Variants in DYNC2H1 observed in about 807,000 individuals in gnomAD.
DYNC2H1 encodes the protein dynein cytoplasmic 2 heavy chain 1.
DYNC2H1 carries 410 observed loss-of-function variants against 570.0 expected under a neutral mutation model. That is an observed-to-expected ratio of 0.72 (90% CI 0.66 to 0.78). The LOEUF is 0.78. Among genes scored for constraint, DYNC2H1 ranks in the 30% least tolerant of loss-of-function variants. DYNC2H1 has a pLI of 0.00. For synonymous variants in DYNC2H1, 1,688 were observed against 1,677.6 expected, an observed-to-expected ratio of 1.01 and a Z score of -0.15; for missense variants, 4,865 against 5,046.4, an observed-to-expected ratio of 0.96 and a Z score of 1.09.
intron 82 of DYNC2H1, among the ~76,000 whole-genome samples, chr11:103,327,983 A>G (rs1477785463): frequency 6.6e-6 from 1 of 152,210 alleles, no homozygotes; most frequent in Non-Finnish European, 1.5e-5. Context: ...CTAAGGAAAT[A>G]GTACTATGAG....
chr11:103,246,001 T>C (rs1191802886), intron 65 of DYNC2H1, among the ~76,000 whole-genome samples: 1 of 152,140 alleles, frequency 6.6e-6, no homozygotes, highest in Non-Finnish European at 1.5e-5. Flanking sequence ...ATTGATGTTA[T>C]TGGGGCAACG....
chr11:103,270,207 AAAT>A (rs1565448930), intron 70 of DYNC2H1, among the ~76,000 whole-genome samples: 4 of 141,546 alleles, frequency 2.8e-5, no homozygotes, highest in Non-Finnish European at 3.0e-5. Context: ...AAAAAAAAAA[AAAT>A]AATAATAATA....
At chr11:103,213,135 A>G (rs761686675) in intron 54 of DYNC2H1, among the ~76,000 whole-genome samples, 1 of 152,164 alleles carries the variant, frequency 6.6e-6, no homozygotes, top group African/African-American at 2.4e-5. Flanking sequence ...GGGTACCATA[A>G]TGGCCAGGCC....
chr11:103,120,743 C>T lies in DYNC2H1; in HGVS notation c.1189C>T (p.Gln397Ter). Residue 397 changes from glutamine (Q) to a stop codon, truncating the protein, a stop_gained, in exon 8 of 89, where the codon CAA becomes TAA. Coordinates refer to ENST00000375735, the MANE Select transcript of DYNC2H1 (RefSeq NM_001377.3). LOFTEE classifies it high-confidence loss of function. Reference sequence around the variant, plus strand: ...TGAAAAGATTATTGCACCTGCGGAACAAAAAATAGCAGGAAAATTGAAAAA... The same window carrying T: ...TGAAAAGATTATTGCACCTGCGGAATAAAAAATAGCAGGAAAATTGAAAAA... ...QYEKIIAPAEQKIAGKLKNYI... is the reference protein window; with the variant it reads ...QYEKIIAPAE The T allele has an allele frequency of 3.7e-6, 6 of 1,601,828 alleles. No individual in the cohort carries two copies. The highest frequency in any genetic ancestry group is 5.1e-6 in the Non-Finnish European group (6 of 1,173,506).
chr11:103,257,345 T>G lies in DYNC2H1; in HGVS notation c.10462-263T>G, dbSNP rs1377321873. On this transcript the variant is annotated intron_variant, in intron 68 of 88. Coordinates refer to ENST00000375735, the MANE Select transcript of DYNC2H1 (RefSeq NM_001377.3). ...CTGCTATATAAAAGCAGAACGAGTTTAGTGTATTTTGTTATAGGTAGCCTT... is the reference window on the plus strand; with the variant it reads ...CTGCTATATAAAAGCAGAACGAGTTGAGTGTATTTTGTTATAGGTAGCCTT... Among the ~76,000 whole-genome samples, 3 of 152,186 alleles carry G rather than the reference T, an allele frequency of 2.0e-5. No homozygotes were observed. The East Asian group carries it at 5.8e-4, about 29-fold the overall frequency.
intron 83 of DYNC2H1, among the ~76,000 whole-genome samples, chr11:103,396,057 T>C (rs1306638974): frequency 6.6e-6 from 1 of 152,216 alleles, no homozygotes; most frequent in East Asian, 1.9e-4. Flanking sequence ...ATAGAAAACA[T>C]ACATTGAACC....
chr11:103,124,445 C>CAAAA lies in DYNC2H1; in HGVS notation c.1662-635_1662-632dup, dbSNP rs34997507. Among the ~76,000 whole-genome samples the CAAAA allele has an allele frequency of 1.1e-4, 8 of 71,384 alleles. 1 individual carries two copies. The highest frequency in any genetic ancestry group is 2.2e-4 in the African/African-American group (4 of 18,070). The allele number at this position is 71,384 out of a possible 152,430, so 46.8% of individuals were successfully genotyped here. The stretch of plus-strand genomic sequence containing the variant: ...TGGGTGTTGGAGCAATACCCTGTCT[C>CAAAA]AAAAAAAAAAAAAAAAAAAAAAAGC... On this transcript the variant is annotated intron_variant, in intron 11 of 88. Coordinates refer to ENST00000375735, the MANE Select transcript of DYNC2H1 (RefSeq NM_001377.3).
At chr11:103,366,788 AATAAAT>A (rs1399563207) in intron 83 of DYNC2H1, among the ~76,000 whole-genome samples, 1 of 152,186 alleles carries the variant, frequency 6.6e-6, no homozygotes, top group Non-Finnish European at 1.5e-5. Flanking sequence ...TTAAGTGTCC[AATAAAT>A]ATAAACTATT....
At position 103,386,081 on chromosome 11, in the gene DYNC2H1, T is replaced by C. The variant is rs182004315; in HGVS notation, c.12157-13582T>C. ...AGTCAACACTTAGCTTTCTGAATAA[T>C]CATGCCTTACTTCTGAACTCGTAGT... On this transcript the variant is annotated intron_variant, in intron 83 of 88. Coordinates refer to ENST00000375735, the MANE Select transcript of DYNC2H1 (RefSeq NM_001377.3). Among the ~76,000 whole-genome samples the C allele has an allele frequency of 3.0e-3, 464 of 152,364 alleles. 1 individual carries two copies. Among genetic ancestry groups the C allele is most frequent in the Admixed American group, 4.8e-3 (73 of 15,304 alleles).
At position 103,275,364 on chromosome 11, in the gene DYNC2H1, T is replaced by A. The variant is rs1490061079; in HGVS notation, c.10696-4984T>A. Among the ~76,000 whole-genome samples, 1 of 152,156 alleles carries A rather than the reference T, an allele frequency of 6.6e-6. No individual in the cohort carries two copies. The highest frequency in any genetic ancestry group is 6.5e-5 in the Admixed American group (1 of 15,278). ...ATTGACACATCCTAATCACCTGAAG[T>A]TCATAGTTTACATTAAAGTTCACTC... On this transcript the variant is annotated intron_variant, in intron 70 of 88. Transcript: ENST00000375735. This position sits in a 1 kb window ranked among gnomAD's most constrained non-coding sequence, Gnocchi z 4.8.
At chr11:103,316,685 A>G (rs973196147) in intron 80 of DYNC2H1, 65 bp downstream of exon 80, 42 of 1,255,204 alleles carry the variant, frequency 3.3e-5, no homozygotes, top group East Asian at 5.6e-5. Context: ...CTTATTAACT[A>G]TGTTTTCTTC....
intron 86 of DYNC2H1, 113 bp from the exon 87 acceptor site, chr11:103,456,162 T>C (rs1944779204): frequency 1.3e-6 from 1 of 775,120 alleles, no homozygotes; most frequent in Admixed American, 3.0e-5. Context: ...TATTATTATT[T>C]ACACATGGTA....
At chr11:103,462,627 A>AT (rs540839188) in intron 87 of DYNC2H1, among the ~76,000 whole-genome samples, 210 of 152,328 alleles carry the variant, frequency 1.4e-3, no homozygotes, top group African/African-American at 4.7e-3. Context: ...TATGAAATAC[A>AT]TTTTTTGTTG....
In DYNC2H1 at chr11:103,117,640, T is replaced by G; in HGVS notation, c.776T>G (p.Phe259Cys). Residue 259 changes from phenylalanine to cysteine, a missense_variant, in exon 6 of 89, where the codon TTT (phenylalanine) becomes TGT (cysteine). Physicochemically the swap from Phe to Cys is radical, Grantham distance 205. Around this residue, in one of 5 missense-constraint regions of DYNC2H1, gnomAD observed 1,936 missense variants for 1,962.1 expected, o/e 0.99. Coordinates refer to ENST00000375735, the MANE Select transcript of DYNC2H1 (RefSeq NM_001377.3). ...CTTTATGTTTTATTAGGTGGTTCAT[T>G]TGGAAGGTTTGTTCAGAAAAAGTTG... ...LHLLDIIGGSFGRFVQKKLGT... is the reference protein window; with the variant it reads ...LHLLDIIGGSCGRFVQKKLGT... The G allele has an allele frequency of 6.3e-7, 1 of 1,596,134 alleles. No individual in the cohort carries two copies.
intron 70 of DYNC2H1, among the ~76,000 whole-genome samples, chr11:103,270,048 C>A (rs1865641760): frequency 6.6e-6 from 1 of 151,898 alleles, no homozygotes; most frequent in African/African-American, 2.4e-5. Flanking sequence ...CAAAAATTAG[C>A]TGGGCATGGT....
chr11:103,160,014 C>A (rs1861019902), intron 28 of DYNC2H1, among the ~76,000 whole-genome samples: 2 of 152,090 alleles, frequency 1.3e-5, no homozygotes, highest in South Asian at 4.1e-4. Context: ...CAGAAATATT[C>A]ATCAATTCCT....
intron 12 of DYNC2H1, among the ~76,000 whole-genome samples, chr11:103,126,729 C>T (rs374915834): frequency 5.9e-5 from 9 of 151,702 alleles, no homozygotes; most frequent in East Asian, 3.9e-4. Context: ...CTCCGCCTCC[C>T]GGGTTCATGC....
intron 13 of DYNC2H1, among the ~76,000 whole-genome samples, chr11:103,130,824 T>C (rs183094038): frequency 2.6e-5 from 4 of 152,328 alleles, no homozygotes; most frequent in Non-Finnish European, 5.9e-5. Flanking sequence ...TAAAATTGTG[T>C]TGTGAGAAGT....
chr11:103,253,205 C>T, intron 65 of DYNC2H1, 80 bp from the exon 66 acceptor site: 1 of 1,405,134 alleles, frequency 7.1e-7, no homozygotes, highest in Non-Finnish European at 9.5e-7. Flanking sequence ...TTTAGAAGTA[C>T]TTAAAAATTA....
Sources: gnomAD v4.1 joint callset for allele counts (sites outside exome capture counted in the v4.1 genomes callset) on GRCh38, gnomAD v4.1.1 for gene constraint, gnomAD v4.1.1 regional missense constraint, Gnocchi (gnomAD v3.1) non-coding constraint, MANE v1.5 for transcripts, NCBI Gene and HGNC (gene_info 2026-07-23, HGNC 2026-07-21) for gene names.